SETD1A: variants seen among roughly 807,000 people sequenced by gnomAD.
SETD1A encodes the protein SET domain containing 1A, histone lysine methyltransferase.
In SETD1A, 29 loss-of-function variants were observed where a neutral mutation model predicts 149.9. That is an observed-to-expected ratio of 0.19 (90% CI 0.14 to 0.26). SETD1A has a LOEUF of 0.26. SETD1A is among the 10% of genes least tolerant of loss of function. The probability of loss-of-function intolerance (pLI) is 1.00; values close to 1 mark genes in which losing one functional copy is unlikely to be tolerated. For missense variants in SETD1A, 2,109 were observed against 2,353.1 expected (o/e 0.90, Z 2.15); for synonymous variants, 1,141 against 968.5 (o/e 1.18, Z -3.31).
chr16:30,968,454 A>G (rs2056180133), intron 10 of SETD1A, among the ~76,000 whole-genome samples: 1 of 151,748 alleles, frequency 6.6e-6, no homozygotes, highest in South Asian at 2.1e-4. Flanking sequence ...ACATATGTAT[A>G]TACACACAAA....
In SETD1A at chr16:30,980,033, A is replaced by G; in HGVS notation, c.4247A>G (p.Glu1416Gly). Residue 1416 changes from glutamate (E) to glycine (G), a missense_variant, in exon 14 of 19, where the codon GAG (glutamate) becomes GGG (glycine). Physicochemically the swap from Glu to Gly is moderately conservative, Grantham distance 98 (BLOSUM62 -2). Around this residue, in one of 8 missense-constraint regions of SETD1A, gnomAD observed 832 missense variants for 815.6 expected, o/e 1.02. Coordinates refer to ENST00000262519, the MANE Select transcript of SETD1A (RefSeq NM_014712.3). The surrounding 1 kb of genome is among the most constrained non-coding windows in gnomAD (Gnocchi z 7.7). The stretch of plus-strand genomic sequence containing the variant: ...CCGCCGCCACCGCCCCGCGCCTACG[A>G]GCCACGCAGTGAGTTTGAACAGATG... ...PPPPPPPRAY[E>G]PRSEFEQMTI... The G allele has an allele frequency of 1.3e-6, 2 of 1,503,062 alleles. No individual in the cohort carries two copies. The allele number at this position is 1,503,062 out of a possible 1,614,324, so 93.1% of individuals were successfully genotyped here. A position where few individuals can be genotyped will look rare whatever the true frequency, so the allele number is the denominator to read the frequency against.
Position 30,980,145 on chromosome 16 carries a change from G to A in SETD1A, c.4359G>A (p.Gln1453=). The change falls in exon 14 of 19, where the codon CAG becomes CAA. Residue 1453 remains glutamine, a synonymous_variant. Transcript: ENST00000262519. This position sits in a 1 kb window ranked among gnomAD's most constrained non-coding sequence, Gnocchi z 7.7. ...TTACGTACGAGCGGCTGCTGCAGCAGACAAGCGGGGCTGACTGGCTCAACG... is the reference window on the plus strand; with the variant it reads ...TTACGTACGAGCGGCTGCTGCAGCAAACAAGCGGGGCTGACTGGCTCAACG... ...LRLTYERLLQ[Q]TSGADWLNDT... The A allele has an allele frequency of 6.2e-7, 1 of 1,611,168 alleles. No homozygotes were observed. Among genetic ancestry groups the A allele is most frequent in the Non-Finnish European group, 8.5e-7 (1 of 1,179,046 alleles).
rs538363430 is a variant in SETD1A, at chr16:30,979,983, G to T, written c.4197G>T (p.Arg1399=). ...LRRRSLRSHA[R]RRRPPPPPPP... The stretch of plus-strand genomic sequence containing the variant: ...GGCGCAGCCTCCGCTCCCACGCCCG[G>T]CGCCGCCGCCCTCCGCCCCCACCCC... The change falls in exon 14 of 19, where the codon CGG becomes CGT. Residue 1399 remains arginine, a synonymous_variant. Coordinates refer to ENST00000262519, the MANE Select transcript of SETD1A (RefSeq NM_014712.3). The T allele has an allele frequency of 4.0e-3, 6,076 of 1,509,242 alleles. 240 individuals are homozygous for T. The South Asian group carries it at 0.071, about 18-fold the overall frequency. 93.5% of individuals were successfully genotyped at this position (1,509,242 alleles called of 1,614,324 possible).
Position 30,967,006 on chromosome 16 carries a change from G to A in SETD1A, c.2628G>A (p.Glu876=). 1 of 1,599,724 alleles carries A rather than the reference G, an allele frequency of 6.3e-7. No individual in the cohort carries two copies. The highest frequency in any genetic ancestry group is 1.1e-5 in the South Asian group (1 of 88,484). ...WAKSGGTTGI[E]AFAFGSGLRG... The stretch of plus-strand genomic sequence containing the variant: ...AGAGCGGGGGCACTACGGGCATCGA[G>A]GCTTTCGCCTTTGGGTCAGGGCTGA... Residue 876 remains glutamate (E), a synonymous_variant, in exon 9 of 19, where the codon GAG becomes GAA. Coordinates refer to ENST00000262519, the MANE Select transcript of SETD1A (RefSeq NM_014712.3).
chr16:30,970,267 ATTT>A (rs34020035), intron 12 of SETD1A, among the ~76,000 whole-genome samples: 6 of 117,764 alleles, frequency 5.1e-5, no homozygotes, highest in Non-Finnish European at 6.9e-5. Flanking sequence ...CCACACCCAG[ATTT>A]TTTTTTTTTT....
intron 3 of SETD1A, 54 bp downstream of exon 3, chr16:30,959,240 C>A: frequency 1.8e-6 from 2 of 1,110,140 alleles, no homozygotes; most frequent in Non-Finnish European, 2.8e-6. Flanking sequence ...GTGGAGGATG[C>A]GTCTTGGCAC....
At chr16:30,959,473 G>A (rs752965506) in intron 3 of SETD1A, among the ~76,000 whole-genome samples, 1 of 152,186 alleles carries the variant, frequency 6.6e-6, no homozygotes, top group Non-Finnish European at 1.5e-5. Context: ...TTCGTAGACA[G>A]TGCATCATAG....
rs558016960 is a variant in SETD1A, at chr16:30,972,358, C to T, written c.3358+639C>T. On this transcript the variant is annotated intron_variant, in intron 13 of 18. Transcript: ENST00000262519. ...ATTGAGTAAGAAATACATAGGAGGC[C>T]GGGCGCGGTGGCTTACGCCTGTAAT... Among the ~76,000 whole-genome samples, 308 of 152,258 alleles carry T rather than the reference C, an allele frequency of 2.0e-3. 1 individual carries two copies. The highest frequency in any genetic ancestry group is 7.2e-3 in the African/African-American group (298 of 41,540).
intron 13 of SETD1A, among the ~76,000 whole-genome samples, chr16:30,975,344 C>T (rs2056272317): frequency 6.6e-6 from 1 of 151,802 alleles, no homozygotes; most frequent in African/African-American, 2.4e-5. Flanking sequence ...TATCAGCTCC[C>T]ATGTGTCAAG....
At position 30,964,350 on chromosome 16, in the gene SETD1A, C is replaced by A. The variant is rs755894348; in HGVS notation, c.869+27C>A. On this transcript the variant is annotated intron_variant, in intron 6 of 18. Coordinates refer to ENST00000262519, the MANE Select transcript of SETD1A (RefSeq NM_014712.3). The stretch of plus-strand genomic sequence containing the variant: ...TACAGAGCAGACCCCGCCTGGGGCC[C>A]CGCCCGCAAAGTCTGGGAGCTGCCA... 3 of 1,574,390 alleles carry A rather than the reference C, an allele frequency of 1.9e-6. No individual in the cohort carries two copies. In the South Asian group the frequency reaches 3.3e-5, roughly 17 times the overall value.
At chr16:30,966,521 AC>A (rs1470491201) in intron 8 of SETD1A, 135 bp downstream of exon 8, 5 of 1,372,348 alleles carry the variant, frequency 3.6e-6, no homozygotes, top group African/African-American at 2.9e-5. Context: ...CCTGCAGGCC[AC>A]CCTGGGTGGG....
chr16:30,961,560 C>T lies in SETD1A; in HGVS notation c.517+23C>T. On this transcript the variant is annotated intron_variant, in intron 4 of 18. Transcript: ENST00000262519. The surrounding 1 kb of genome is among the most constrained non-coding windows in gnomAD (Gnocchi z 4.0). ...AAGGTGAGGACTCCTCTGCCTGCCACTCAGGCTTGGCCTCCAGCGGAGGTT... is the reference window on the plus strand; with the variant it reads ...AAGGTGAGGACTCCTCTGCCTGCCATTCAGGCTTGGCCTCCAGCGGAGGTT... The T allele has an allele frequency of 1.9e-6, 3 of 1,610,264 alleles. No individual in the cohort carries two copies. Among genetic ancestry groups the T allele is most frequent in the Non-Finnish European group, 2.5e-6 (3 of 1,178,406 alleles).
intron 13 of SETD1A, among the ~76,000 whole-genome samples, chr16:30,974,747 C>T (rs992576407): frequency 6.6e-6 from 1 of 152,130 alleles, no homozygotes; most frequent in Non-Finnish European, 1.5e-5. Context: ...TGGCTCACAC[C>T]TGTAATCCCA....
rs2056010898 is a variant in SETD1A, at chr16:30,959,149, A to G, written c.209A>G (p.Lys70Arg). ...GACCCCCGTTGCCATGTCAGGTCCA[A>G]AAACAGAGACTTTTCCCTCCCAGTC... Reference protein sequence around the residue: ...LQDPRCHVRSKNRDFSLPVPK... With the variant: ...LQDPRCHVRSRNRDFSLPVPK... Residue 70 changes from lysine to arginine, a missense_variant, in exon 3 of 19, where the codon AAA becomes AGA. By Grantham distance (26) the Lys-to-Arg change is conservative. Around this residue, in one of 8 missense-constraint regions of SETD1A, gnomAD observed 75 missense variants for 95.3 expected, o/e 0.79. Coordinates refer to ENST00000262519, the MANE Select transcript of SETD1A (RefSeq NM_014712.3). 1 of 1,613,828 alleles carries G rather than the reference A, an allele frequency of 6.2e-7. No homozygotes were observed. The highest frequency in any genetic ancestry group is 8.5e-7 in the Non-Finnish European group (1 of 1,179,728).
At chr16:30,972,150 AGTT>A (rs932088136) in intron 13 of SETD1A, among the ~76,000 whole-genome samples, 2 of 152,196 alleles carry the variant, frequency 1.3e-5, no homozygotes, top group Non-Finnish European at 2.9e-5. Context: ...TTGTACGTCT[AGTT>A]GTTATACTCT....
Position 30,981,256 on chromosome 16 carries a change from G to A in SETD1A, c.4812+76G>A. 3 of 1,579,396 alleles carry A rather than the reference G, an allele frequency of 1.9e-6. No individual in the cohort carries two copies. In the South Asian group the frequency reaches 3.4e-5, roughly 18 times the overall value. On this transcript the variant is annotated intron_variant, in intron 17 of 18. Transcript: ENST00000262519. ...ATGGGGGCTCACACACATGCTGTTTGTCCGGTTAAAGCCTTGCACACTCCC... is the reference window on the plus strand; with the variant it reads ...ATGGGGGCTCACACACATGCTGTTTATCCGGTTAAAGCCTTGCACACTCCC...
chr16:30,968,475 C>T (rs1344536226), intron 10 of SETD1A, among the ~76,000 whole-genome samples: 1 of 151,168 alleles, frequency 6.6e-6, no homozygotes, highest in Non-Finnish European at 1.5e-5. Context: ...TATATACACA[C>T]ACACATATAT....
Position 30,961,603 on chromosome 16 carries a change from TCAGG to T in SETD1A, c.517+67_517+70del. The stretch of plus-strand genomic sequence containing the variant: ...CGGAGGTTGTACATGCAAATGCCTG[TCAGG>T]GTCAGGCAGGCGCCCAGGGTCATGA... On this transcript the variant is annotated intron_variant, in intron 4 of 18. Transcript: ENST00000262519. This position sits in a 1 kb window ranked among gnomAD's most constrained non-coding sequence, Gnocchi z 4.0. The T allele has an allele frequency of 6.6e-7, 1 of 1,506,710 alleles. No individual in the cohort carries two copies. The highest frequency in any genetic ancestry group is 9.1e-7 in the Non-Finnish European group (1 of 1,099,316). 93.3% of individuals were successfully genotyped at this position (1,506,710 alleles called of 1,614,324 possible). A position where few individuals can be genotyped will look rare whatever the true frequency, so the allele number is the denominator to read the frequency against.
rs1423916704 is a variant in SETD1A at position 30,959,166 on chromosome 16, C to G, written c.226C>G (p.Leu76Val). 1 of 1,612,140 alleles carries G rather than the reference C, an allele frequency of 6.2e-7. No individual in the cohort carries two copies. The highest frequency in any genetic ancestry group is 1.3e-5 in the African/African-American group (1 of 74,868). ...CAGGTCCAAAAACAGAGACTTTTCC[C>G]TCCCAGTCCCTAAGTTTAAGGTAAG... is the stretch of plus-strand genomic sequence containing the variant. ...HVRSKNRDFSLPVPKFKLDEF... is the reference protein window; with the variant it reads ...HVRSKNRDFSVPVPKFKLDEF... The change falls in exon 3 of 19, where the codon CTC becomes GTC. Residue 76 changes from leucine to valine, a missense_variant. Coordinates refer to ENST00000262519, the MANE Select transcript of SETD1A (RefSeq NM_014712.3).
Sources: allele counts gnomAD v4.1 joint callset (sites outside exome capture counted in the v4.1 genomes callset), GRCh38; gene constraint gnomAD v4.1.1; regional missense constraint gnomAD v4.1.1; non-coding constraint Gnocchi (gnomAD v3.1); transcripts MANE v1.5; gene names NCBI Gene and HGNC (gene_info 2026-07-23, HGNC 2026-07-21).